Variants in ZFP2 observed in about 807,000 individuals in gnomAD.
ZFP2 encodes the protein zinc finger protein ZFP2.
Under a neutral mutation model 36.1 loss-of-function variants are expected in ZFP2, and 33 were observed. That is an observed-to-expected ratio of 0.92 (90% confidence interval 0.69 to 1.22). The LOEUF is 1.22. ZFP2 is among the 50% of genes most tolerant of loss of function. The pLI, the probability that ZFP2 is intolerant of heterozygous loss-of-function variation, is 0.00. For synonymous variants in ZFP2, 170 were observed against 178.0 expected, an observed-to-expected ratio of 0.96 and a Z score of 0.36; for missense variants, 522 against 551.4, an observed-to-expected ratio of 0.95 and a Z score of 0.53.
At chr5:178,924,816 A>G (rs1758632667) in intron 4 of ZFP2, among the ~76,000 whole-genome samples, 1 of 148,356 alleles carries the variant, frequency 6.7e-6, no homozygotes, top group African/African-American at 2.4e-5. Flanking sequence ...CCATTGCACT[A>G]CACCCTGGGC....
chr5:178,910,291 C>G (rs1758265416), intron 1 of ZFP2: 6 of 1,338,696 alleles, frequency 4.5e-6, no homozygotes, highest in Non-Finnish European at 6.5e-6. Flanking sequence ...TGCTCCATGC[C>G]TTCCTCCAAA....
chr5:178,922,041 A>G lies in ZFP2; in HGVS notation c.-78+5331A>G. On this transcript the variant is annotated intron_variant, in intron 4 of 4. Transcript: ENST00000361362. ...AGCTCCTTCCGCAGGCAGGAGAGTCAGCTAGCCACCCAAGAAAACATCATG... is the reference window on the plus strand; with the variant it reads ...AGCTCCTTCCGCAGGCAGGAGAGTCGGCTAGCCACCCAAGAAAACATCATG... The G allele has an allele frequency of 5.3e-6, 4 of 756,902 alleles. 1 individual carries two copies. The highest frequency in any genetic ancestry group is 9.5e-6 in the Non-Finnish European group (4 of 422,454). 46.9% of individuals were successfully genotyped at this position (756,902 alleles called of 1,614,324 possible).
intron 1 of ZFP2, among the ~76,000 whole-genome samples, chr5:178,898,038 T>G (rs1450296838): frequency 6.6e-6 from 1 of 152,216 alleles, no homozygotes; most frequent in Non-Finnish European, 1.5e-5. Flanking sequence ...TCACCGAGGC[T>G]AGAGTGCAGT....
Position 178,932,522 on chromosome 5 carries a change from T to G in ZFP2, c.1209T>G (p.Ile403Met), listed in dbSNP as rs1758872458. The G allele has an allele frequency of 5.0e-6, 8 of 1,614,084 alleles. No individual in the cohort carries two copies. Among genetic ancestry groups the G allele is most frequent in the Non-Finnish European group, 6.8e-6 (8 of 1,180,026 alleles). ...QSAYLIEHQRIHTGEKPYECD... is the reference protein window; with the variant it reads ...QSAYLIEHQRMHTGEKPYECD... ...CTTACCTTATTGAACATCAAAGAAT[T>G]CATACTGGTGAGAAACCCTATGAAT... Residue 403 changes from isoleucine (I) to methionine (M), a missense_variant, in exon 5 of 5, where the codon ATT becomes ATG. Coordinates refer to ENST00000361362, the MANE Select transcript of ZFP2 (RefSeq NM_030613.4).
chr5:178,915,703 A>G (rs1444299905), intron 3 of ZFP2: 2 of 150,990 alleles, frequency 1.3e-5, no homozygotes, highest in Non-Finnish European at 2.9e-5. Context: ...GGTTGCGTGC[A>G]CCTGTAATCC....
intron 1 of ZFP2, among the ~76,000 whole-genome samples, chr5:178,902,567 C>T (rs1048211716): frequency 2.0e-5 from 3 of 151,092 alleles, no homozygotes; most frequent in Non-Finnish European, 4.4e-5. Flanking sequence ...TAGAATGATC[C>T]TCAATGTGGG....
In ZFP2 at chr5:178,917,721, A is replaced by G. The variant is rs532925492; in HGVS notation, c.-78+1011A>G. Among the ~76,000 whole-genome samples the G allele has an allele frequency of 5.9e-5, 9 of 152,306 alleles. No homozygotes were observed. In the South Asian group the frequency reaches 1.9e-3, roughly 32 times the overall value. ...CATATATAGAGAAACATACACAGAGAATTTATATAGTTAAGAGTCTCTATC... is the reference window on the plus strand; with the variant it reads ...CATATATAGAGAAACATACACAGAGGATTTATATAGTTAAGAGTCTCTATC... On this transcript the variant is annotated intron_variant, in intron 4 of 4. Transcript: ENST00000361362.
chr5:178,916,798 T>C, intron 4 of ZFP2, 88 bp downstream of exon 4: 1 of 940,292 alleles, frequency 1.1e-6, no homozygotes, highest in Non-Finnish European at 1.3e-6. Flanking sequence ...ATCTTTTGTT[T>C]TGTTGGTTTT....
intron 1 of ZFP2, among the ~76,000 whole-genome samples, chr5:178,901,852 G>C (rs1758063882): frequency 6.6e-6 from 1 of 151,808 alleles, no homozygotes. Context: ...ACTGCTGCAA[G>C]GCCGGGCACG....
intron 1 of ZFP2, chr5:178,909,754 C>T: frequency 6.4e-7 from 1 of 1,565,330 alleles, no homozygotes. Context: ...GAGCTGAGTG[C>T]ACCTCTCCCT....
intron 4 of ZFP2, among the ~76,000 whole-genome samples, chr5:178,919,682 G>T (rs1467375862): frequency 6.6e-6 from 1 of 152,144 alleles, no homozygotes; most frequent in African/African-American, 2.4e-5. Context: ...AATTATGGCT[G>T]GGCATAGTGG....
chr5:178,922,395 A>G (rs944202680), intron 4 of ZFP2: 11 of 1,266,190 alleles, frequency 8.7e-6, no homozygotes, highest in South Asian at 4.8e-5. Flanking sequence ...TTGGCATTGG[A>G]AACATTTTTA....
At position 178,923,749 on chromosome 5, in the gene ZFP2, T is replaced by G. The variant is rs1025916336; in HGVS notation, c.-78+7039T>G. Among the ~76,000 whole-genome samples the G allele has an allele frequency of 5.5e-5, 7 of 127,854 alleles. 1 individual carries two copies. The highest frequency in any genetic ancestry group is 1.1e-4 in the Non-Finnish European group (6 of 54,146). The allele number at this position is 127,854 out of a possible 152,430, so 83.9% of individuals were successfully genotyped here. ...GTTTTTTAAAAATTTGTAGGTAATC[T>G]TTTTTTTTTTTTCTTTCGTAAGCAT... On this transcript the variant is annotated intron_variant, in intron 4 of 4. Coordinates refer to ENST00000361362, the MANE Select transcript of ZFP2 (RefSeq NM_030613.4).
intron 1 of ZFP2, among the ~76,000 whole-genome samples, chr5:178,907,934 G>A (rs1758199463): frequency 1.3e-5 from 2 of 152,200 alleles, no homozygotes; most frequent in Admixed American, 6.5e-5. Flanking sequence ...GGTGCAGCAT[G>A]TTGATGGATA....
Position 178,932,179 on chromosome 5 carries a change from A to G in ZFP2, c.866A>G (p.Gln289Arg), listed in dbSNP as rs114722291. Residue 289 changes from glutamine to arginine, a missense_variant, in exon 5 of 5, where the codon CAG becomes CGG. By Grantham distance (43) the Gln-to-Arg change is conservative. Transcript: ENST00000361362. ...AAGAGCTCAACTCTTACCCTACATC[A>G]GCGAAATCACACTGGAGAAAAACCT... ...FSKSSTLTLH[Q>R]RNHTGEKPYK... 2.6e-4 allele frequency: 412 copies of G among 1,614,176 alleles called. 2 individuals carry two copies. In the African/African-American group the frequency reaches 4.8e-3, roughly 19 times the overall value.
chr5:178,906,047 G>A (rs915221758), intron 1 of ZFP2, among the ~76,000 whole-genome samples: 1 of 152,172 alleles, frequency 6.6e-6, no homozygotes, highest in African/African-American at 2.4e-5. Flanking sequence ...GAGCCACCAT[G>A]TCTGGCCATG....
rs974251825 is a variant in ZFP2, at chr5:178,901,739, C to G, written c.-450+5765C>G. On this transcript the variant is annotated intron_variant, in intron 1 of 4. Transcript: ENST00000361362. Reference sequence around the variant, plus strand: ...AGTTCATAACACTAGGTATTATAAGCTTTTTAAATTTTAGTTATTTTCAAG... The same window carrying G: ...AGTTCATAACACTAGGTATTATAAGGTTTTTAAATTTTAGTTATTTTCAAG... Among the ~76,000 whole-genome samples, 12 of 151,142 alleles carry G rather than the reference C, an allele frequency of 7.9e-5. No individual in the cohort carries two copies. In the East Asian group the frequency reaches 2.1e-3, roughly 27 times the overall value.
At chr5:178,910,178 A>G in intron 1 of ZFP2, 2 of 1,536,068 alleles carry the variant, frequency 1.3e-6, no homozygotes, top group South Asian at 2.3e-5. Context: ...TGCAGCCATC[A>G]AAAATCTTTC....
chr5:178,902,344 A>C (rs1297247229), intron 1 of ZFP2, among the ~76,000 whole-genome samples: 6 of 152,178 alleles, frequency 3.9e-5, no homozygotes, highest in Non-Finnish European at 8.8e-5. Context: ...AATAAGGAAA[A>C]CTTACATCGA....
Sources: allele counts gnomAD v4.1 joint callset (sites outside exome capture counted in the v4.1 genomes callset), GRCh38; gene constraint gnomAD v4.1.1; transcripts MANE v1.5; gene names NCBI Gene and HGNC (gene_info 2026-07-23, HGNC 2026-07-21).